The following RDH11 variants were observed in gnomAD, a reference collection of about 807,000 sequenced individuals.
RDH11 encodes HCV core-binding protein HCBP12.
A neutral mutation model predicts 33.4 loss-of-function variants in RDH11; 19 were observed. That is an observed-to-expected ratio of 0.57 (90% CI 0.40 to 0.83). The LOEUF is 0.83. Among genes scored for constraint, RDH11 ranks in the 40% least tolerant of loss-of-function variants. RDH11 has a pLI of 0.00. For missense variants in RDH11, 353 were observed against 389.0 expected (o/e 0.91, Z 0.78); for synonymous variants, 154 against 155.3 (o/e 0.99, Z 0.06).
At chr14:67,688,457 T>A (rs1046657669) in intron 5 of RDH11, among the ~76,000 whole-genome samples, 2 of 152,268 alleles carry the variant, frequency 1.3e-5, no homozygotes, top group South Asian at 2.1e-4. Context: ...CATACATATG[T>A]AAATGCATAG....
chr14:67,685,014 C>T lies in RDH11; in HGVS notation c.854+1G>A. ...TCTGCAAAAAGAGATAACATTCATA[C>T]CTGAAATGATTCCCACTTAGAATCT... On this transcript the variant is annotated splice_donor_variant, in intron 6 of 6. Transcript: ENST00000381346. LOFTEE classifies it high-confidence loss of function. 6.2e-7 allele frequency: 1 copy of T among 1,605,798 alleles called. No individual in the cohort carries two copies. The highest frequency in any genetic ancestry group is 8.5e-7 in the Non-Finnish European group (1 of 1,176,680).
intron 6 of RDH11, among the ~76,000 whole-genome samples, chr14:67,681,661 A>G (rs1386549633): frequency 6.6e-6 from 1 of 152,204 alleles, no homozygotes; most frequent in Non-Finnish European, 1.5e-5. Context: ...GTGCACCTGT[A>G]GTCCCAGCTA....
chr14:67,689,615 G>A (rs2037723440), intron 5 of RDH11, among the ~76,000 whole-genome samples: 1 of 152,092 alleles, frequency 6.6e-6, no homozygotes, highest in African/African-American at 2.4e-5. Flanking sequence ...AAACTGTGAA[G>A]TAGTCCCATT....
At chr14:67,695,607 G>A in intron 1 of RDH11, 23 bp downstream of exon 1, 1 of 1,601,902 alleles carries the variant, frequency 6.2e-7, no homozygotes. Context: ...ATTCTCAAGA[G>A]AAGGCAATAC....
chr14:67,694,189 T>C (rs933425651), intron 1 of RDH11, among the ~76,000 whole-genome samples: 1 of 152,042 alleles, frequency 6.6e-6, no homozygotes, highest in Non-Finnish European at 1.5e-5. Context: ...AGTGCGAAAA[T>C]GCTGACAGGG....
intron 5 of RDH11, 53 bp from the exon 6 acceptor site, chr14:67,685,257 T>C (rs1301719087): frequency 8.1e-6 from 12 of 1,478,470 alleles, no homozygotes; most frequent in Non-Finnish European, 1.1e-5. Context: ...TTTTGCAGAA[T>C]AGCCCAAAAC....
In RDH11 at chr14:67,691,108, C is replaced by T. The variant is rs768634448; in HGVS notation, c.454+32G>A. 3.3e-6 allele frequency: 5 copies of T among 1,495,192 alleles called. No homozygotes were observed. In the Admixed American group the frequency reaches 8.4e-5, roughly 25 times the overall value. 92.6% of individuals were successfully genotyped at this position (1,495,192 alleles called of 1,614,324 possible). A position where few individuals can be genotyped will look rare whatever the true frequency, so the allele number is the denominator to read the frequency against. The stretch of plus-strand genomic sequence containing the variant: ...GTTTCCCAAAGAGAATTTTGGGTCT[C>T]TCTAGCTTTGTGATAAGGCCAGATT... On this transcript the variant is annotated intron_variant, in intron 4 of 6. Coordinates refer to ENST00000381346, the MANE Select transcript of RDH11 (RefSeq NM_016026.4).
chr14:67,678,445 A>G, intron 6 of RDH11, 22 bp from the exon 7 acceptor site: 3 of 1,525,696 alleles, frequency 2.0e-6, no homozygotes, highest in Non-Finnish European at 2.7e-6. Flanking sequence ...AGAGAAAGGT[A>G]TGAAGCACAG....
chr14:67,689,648 A>G (rs2037723983), intron 5 of RDH11, among the ~76,000 whole-genome samples: 1 of 152,230 alleles, frequency 6.6e-6, no homozygotes, highest in Non-Finnish European at 1.5e-5. Flanking sequence ...AGGAAGTCCT[A>G]AAAGTTAAGT....
rs1425144195 is a variant in RDH11, at chr14:67,692,924, G to A, written c.193+10C>T. Reference sequence around the variant, plus strand: ...AGTAATAGGAGGGAATTGAAAGGAGGTGAACTTGCCTCTCTGAGCCAGCTC... The same window carrying A: ...AGTAATAGGAGGGAATTGAAAGGAGATGAACTTGCCTCTCTGAGCCAGCTC... On this transcript the variant is annotated intron_variant, in intron 2 of 6. Transcript: ENST00000381346. 2 of 1,554,652 alleles carry A rather than the reference G, an allele frequency of 1.3e-6. No individual in the cohort carries two copies. The highest frequency in any genetic ancestry group is 1.4e-5 in the African/African-American group (1 of 73,752).
Position 67,691,014 on chromosome 14 carries a change from T to C in RDH11, c.454+126A>G. On this transcript the variant is annotated intron_variant, in intron 4 of 6. Coordinates refer to ENST00000381346, the MANE Select transcript of RDH11 (RefSeq NM_016026.4). ...CAGCTATCAGGTAGGACCAAACTAT[T>C]ATGCACACATGGTCTATTATGGTCC... 3 of 707,180 alleles carry C rather than the reference T, an allele frequency of 4.2e-6. No individual in the cohort carries two copies. The South Asian group carries it at 5.0e-5, about 12-fold the overall frequency. The allele number at this position is 707,180 out of a possible 1,614,324, so 43.8% of individuals were successfully genotyped here. A position where few individuals can be genotyped will look rare whatever the true frequency, so the allele number is the denominator to read the frequency against.
chr14:67,681,102 A>G (rs1164261101), intron 6 of RDH11, among the ~76,000 whole-genome samples: 1 of 152,218 alleles, frequency 6.6e-6, no homozygotes, highest in Non-Finnish European at 1.5e-5. Flanking sequence ...CTAAGGTTAA[A>G]TGAGGTCATC....
intron 6 of RDH11, among the ~76,000 whole-genome samples, chr14:67,680,773 TAA>T (rs1340021892): frequency 7.9e-5 from 12 of 152,206 alleles, no homozygotes; most frequent in Non-Finnish European, 1.5e-4. Context: ...AAGAGCTAGT[TAA>T]GTGTGCCTAT....
intron 3 of RDH11, 24 bp downstream of exon 3, chr14:67,692,414 T>TA: frequency 6.2e-7 from 1 of 1,612,934 alleles, no homozygotes; most frequent in East Asian, 2.2e-5. Flanking sequence ...ACCCACAACA[T>TA]AGTCTCTCTA....
At chr14:67,681,190 C>T (rs1298161161) in intron 6 of RDH11, among the ~76,000 whole-genome samples, 1 of 152,186 alleles carries the variant, frequency 6.6e-6, no homozygotes, top group Non-Finnish European at 1.5e-5. Flanking sequence ...GAGGAAAGGC[C>T]ATGCGAGGGC....
At chr14:67,694,499 TATATATAC>T (rs2037801845) in intron 1 of RDH11, among the ~76,000 whole-genome samples, 3 of 149,260 alleles carry the variant, frequency 2.0e-5, no homozygotes, top group African/African-American at 7.4e-5. Flanking sequence ...CATATATATA[TATATATAC>T]ACACATATAT....
At chr14:67,684,295 G>C (rs889640475) in intron 6 of RDH11, among the ~76,000 whole-genome samples, 1 of 152,024 alleles carries the variant, frequency 6.6e-6, no homozygotes, top group African/African-American at 2.4e-5. Context: ...CTGAAGTAGA[G>C]GTAAAAACAT....
chr14:67,691,598 A>G (rs1286091373), intron 3 of RDH11: 1 of 197,002 alleles, frequency 5.1e-6, no homozygotes, highest in African/African-American at 2.3e-5. Flanking sequence ...AATGTTCTCT[A>G]TGTACCTCTG....
chr14:67,687,456 C>T (rs188529318), intron 5 of RDH11, among the ~76,000 whole-genome samples: 2 of 142,046 alleles, frequency 1.4e-5, no homozygotes, highest in East Asian at 4.3e-4. Flanking sequence ...TGTTTCTCAG[C>T]CTCCATATTC....
Sources: allele counts gnomAD v4.1 joint callset (sites outside exome capture counted in the v4.1 genomes callset), GRCh38; gene constraint gnomAD v4.1.1; transcripts MANE v1.5; gene names NCBI Gene and HGNC (gene_info 2026-07-23, HGNC 2026-07-21).